Variants in FLNB observed in about 807,000 individuals in gnomAD.
FLNB encodes the protein filamin-B.
In FLNB, 111 loss-of-function variants were observed where a neutral mutation model predicts 250.6. The ratio of observed to expected loss-of-function variants is 0.44; its 90% CI spans 0.38 to 0.52. The LOEUF is 0.52. Ranked by LOEUF, FLNB falls within the 20% of genes least tolerant of loss-of-function variation. FLNB has a pLI of 0.00. For missense variants in FLNB, 2,869 were observed against 3,447.8 expected (o/e 0.83, Z 4.20); for synonymous variants, 1,302 against 1,372.1 (o/e 0.95, Z 1.13).
intron 26 of FLNB, among the ~76,000 whole-genome samples, chr3:58,133,633 A>T (rs1283994074): frequency 6.6e-6 from 1 of 151,932 alleles, no homozygotes; most frequent in Non-Finnish European, 1.5e-5. Context: ...TTTACATAGA[A>T]ACCTTGTTCC....
chr3:58,126,934 CG>C (rs1206157293), intron 24 of FLNB, among the ~76,000 whole-genome samples, 172 bp downstream of exon 24: 1 of 152,128 alleles, frequency 6.6e-6, no homozygotes, highest in Admixed American at 6.5e-5. Flanking sequence ...CCAGTAGAAC[CG>C]GTAACATGGC....
At chr3:58,052,730 C>A (rs2097164324) in intron 1 of FLNB, among the ~76,000 whole-genome samples, 1 of 152,214 alleles carries the variant, frequency 6.6e-6, no homozygotes, top group African/African-American at 2.4e-5. Flanking sequence ...CCCCAAGTGA[C>A]TTCAGTGCTG....
chr3:58,143,668 G>A (rs2097331028), intron 32 of FLNB, 55 bp downstream of exon 32: 1 of 1,606,944 alleles, frequency 6.2e-7, no homozygotes, highest in Non-Finnish European at 8.5e-7. Flanking sequence ...CATCCGGGCA[G>A]CCTGCAGACA....
rs1016019158 is a variant in FLNB, at chr3:58,096,126, C to T, written c.907-15C>T. 5 of 1,608,922 alleles carry T rather than the reference C, an allele frequency of 3.1e-6. No individual in the cohort carries two copies. The African/African-American group carries it at 5.3e-5, about 17-fold the overall frequency. ...CCCGGCACCTTTTCTAACTGTTGCC[C>T]ACCTTCCCTCCTAGGCACAAGTGAC... On this transcript the variant is annotated splice_polypyrimidine_tract_variant and intron_variant, in intron 5 of 45. Transcript: ENST00000295956.
chr3:58,132,109 C>A, intron 25 of FLNB: 1 of 840,036 alleles, frequency 1.2e-6, no homozygotes, highest in Non-Finnish European at 1.9e-6. Context: ...GCCTCATCTG[C>A]TTTGCTTAAT....
intron 4 of FLNB, among the ~76,000 whole-genome samples, chr3:58,084,640 A>T (rs1348072594): frequency 6.6e-6 from 1 of 152,190 alleles, no homozygotes; most frequent in East Asian, 1.9e-4. Flanking sequence ...CACTATTTTA[A>T]CCATTTTTAA....
At chr3:58,118,788 G>C in intron 18 of FLNB, 84 bp from the exon 19 acceptor site, 1 of 940,180 alleles carries the variant, frequency 1.1e-6, no homozygotes. Flanking sequence ...TCCGTGAGAA[G>C]AATGAGGGAT....
intron 4 of FLNB, 113 bp downstream of exon 4, chr3:58,081,889 C>G: frequency 8.8e-7 from 1 of 1,139,236 alleles, no homozygotes; most frequent in East Asian, 2.3e-5. Flanking sequence ...GTGTAATCCT[C>G]AAAGAGACCC....
At chr3:58,023,008 G>A (rs865845033) in intron 1 of FLNB, among the ~76,000 whole-genome samples, 4 of 151,244 alleles carry the variant, frequency 2.6e-5, no homozygotes. Flanking sequence ...TAGAGACGGG[G>A]TTTCACCATG....
intron 18 of FLNB, among the ~76,000 whole-genome samples, chr3:58,116,132 T>C (rs2097277436): frequency 1.3e-5 from 2 of 152,064 alleles, no homozygotes; most frequent in Non-Finnish European, 2.9e-5. Flanking sequence ...AGAGGAGTGA[T>C]GCCAACACCT....
intron 32 of FLNB, 94 bp from the exon 33 acceptor site, chr3:58,145,827 C>G: frequency 2.0e-6 from 3 of 1,518,300 alleles, no homozygotes; most frequent in Non-Finnish European, 1.8e-6. Flanking sequence ...GGCGCCAGAC[C>G]TGTAGAGAGG....
intron 4 of FLNB, among the ~76,000 whole-genome samples, chr3:58,090,479 T>C (rs1398037345): frequency 6.6e-6 from 1 of 152,246 alleles, no homozygotes; most frequent in East Asian, 1.9e-4. Flanking sequence ...AACATAATTG[T>C]CTGTGCTATA....
chr3:58,086,371 A>C (rs921164676), intron 4 of FLNB, among the ~76,000 whole-genome samples: 1 of 152,150 alleles, frequency 6.6e-6, no homozygotes, highest in African/African-American at 2.4e-5. Context: ...AATCTTAAGC[A>C]AAAGAAAAAT....
intron 10 of FLNB, among the ~76,000 whole-genome samples, chr3:58,104,391 T>C (rs1448524798): frequency 1.3e-5 from 2 of 152,040 alleles, no homozygotes; most frequent in African/African-American, 4.8e-5. Flanking sequence ...TAAACTGAGA[T>C]TCTCTTTTTC....
intron 26 of FLNB, among the ~76,000 whole-genome samples, chr3:58,134,243 C>T (rs1376084108): frequency 6.6e-6 from 1 of 152,178 alleles, no homozygotes; most frequent in African/African-American, 2.4e-5. Flanking sequence ...GTGAACTGCA[C>T]ATGAGAAGGA....
rs1043189977 is a variant in FLNB at position 58,116,182 on chromosome 3, A to G, written c.2746-2690A>G. 5.3e-5 allele frequency among the ~76,000 whole-genome samples: 8 copies of G among 152,192 alleles called. No homozygotes were observed. In the South Asian group the frequency reaches 1.7e-3, roughly 31 times the overall value. ...GAACTCTGTTTTCTGAAGAGCAGCT[A>G]AAAGCTCAAGACTGGGCTAAGGAAG... is the stretch of plus-strand genomic sequence containing the variant. On this transcript the variant is annotated intron_variant, in intron 18 of 45. Transcript: ENST00000295956.
At position 58,168,466 on chromosome 3, in the gene FLNB, A is replaced by G. The variant is rs543579840; in HGVS notation, c.7225A>G (p.Thr2409Ala). ...TGIQSEFFIN[T>A]TRAGPGTLSV... ...TATCCAGTCGGAATTCTTTATTAACACCACCCGAGCAGGTCCAGGGACATT... is the reference window on the plus strand; with the variant it reads ...TATCCAGTCGGAATTCTTTATTAACGCCACCCGAGCAGGTCCAGGGACATT... The change falls in exon 44 of 46, where the codon ACC becomes GCC. Residue 2409 changes from threonine (T) to alanine (A), a missense_variant. By Grantham distance (58) the Thr-to-Ala change is moderately conservative. Around this residue, in one of 5 missense-constraint regions of FLNB, gnomAD observed 1,084 missense variants for 1,315.5 expected, o/e 0.82. Coordinates refer to ENST00000295956, the MANE Select transcript of FLNB (RefSeq NM_001457.4). The G allele has an allele frequency of 6.8e-6, 11 of 1,614,060 alleles. No individual in the cohort carries two copies. The South Asian group carries it at 1.2e-4, about 18-fold the overall frequency.
intron 34 of FLNB, among the ~76,000 whole-genome samples, 189 bp downstream of exon 34, chr3:58,147,182 T>C (rs2097337114): frequency 6.6e-6 from 1 of 152,232 alleles, no homozygotes; most frequent in Admixed American, 6.5e-5. Context: ...TTGCTGATAA[T>C]CCAGGAAAAT....
At chr3:58,037,089 C>T (rs2097139168) in intron 1 of FLNB, among the ~76,000 whole-genome samples, 1 of 109,620 alleles carries the variant, frequency 9.1e-6, no homozygotes, top group Non-Finnish European at 1.7e-5. Flanking sequence ...TTTTTTGAGA[C>T]AGTCTCGCTC....
Sources: gnomAD v4.1 joint callset for allele counts (sites outside exome capture counted in the v4.1 genomes callset) on GRCh38, gnomAD v4.1.1 for gene constraint, gnomAD v4.1.1 regional missense constraint, MANE v1.5 for transcripts, NCBI Gene and HGNC (gene_info 2026-07-23, HGNC 2026-07-21) for gene names.